The following ARMH4 variants were observed in gnomAD, a reference collection of about 807,000 sequenced individuals.
ARMH4 encodes armadillo like helical domain containing 4.
ARMH4 carries 49 observed loss-of-function variants against 61.9 expected under a neutral mutation model. The ratio of observed to expected loss-of-function variants is 0.79; its 90% CI spans 0.63 to 1.00. The LOEUF is 1.00. ARMH4 is among the 50% of genes least tolerant of loss of function. The pLI is 0.00. For missense variants in ARMH4, 934 were observed against 930.0 expected, an observed-to-expected ratio of 1.00 and a Z score of -0.06; for synonymous variants, 368 against 341.5, an observed-to-expected ratio of 1.08 and a Z score of -0.85.
rs773772686 is a variant in ARMH4 at position 58,096,932 on chromosome 14, T to C, written c.1881A>G (p.Glu627=). Residue 627 remains glutamate (E), a synonymous_variant, in exon 5 of 8, where the codon GAA becomes GAG. Coordinates refer to ENST00000267485, the MANE Select transcript of ARMH4 (RefSeq NM_001001872.4). Reference sequence around the variant, plus strand: ...CCTCATCTTCTTCCTCATCTTCCTCTTCTTCATCTTCATCTTCTTCATCCT... The same window carrying C: ...CCTCATCTTCTTCCTCATCTTCCTCCTCTTCATCTTCATCTTCTTCATCCT... The part of the protein sequence containing the change: ...DEEDEEDEDE[E]EEDEEEDEED... 2.5e-6 allele frequency: 4 copies of C among 1,613,212 alleles called. No individual in the cohort carries two copies. The East Asian group carries it at 6.7e-5, about 27-fold the overall frequency.
chr14:58,109,201 TGTCATATCTAAAAAA>T (rs1886266390), intron 4 of ARMH4, among the ~76,000 whole-genome samples: 1 of 152,258 alleles, frequency 6.6e-6, no homozygotes, highest in South Asian at 2.1e-4. Flanking sequence ...GCAATTTTTG[TGTCATATCTAAAAAA>T]ACTTTATTGT....
chr14:58,029,777 A>G (rs551860015), intron 5 of ARMH4, among the ~76,000 whole-genome samples: 1 of 152,358 alleles, frequency 6.6e-6, no homozygotes, highest in Non-Finnish European at 1.5e-5. Context: ...TGATGCAGCC[A>G]CTGTGGAAAA....
chr14:58,142,105 C>T (rs186169467), intron 1 of ARMH4, among the ~76,000 whole-genome samples: 1 of 152,088 alleles, frequency 6.6e-6, no homozygotes, highest in Admixed American at 6.5e-5. Context: ...TTTCTTTTCC[C>T]ATCATCAGAA....
In ARMH4 at chr14:58,138,694, G is replaced by T. The variant is rs757599801; in HGVS notation, c.665C>A (p.Thr222Asn). ...GTCTGTGTCTGCTTCAAATTTCTCA[G>T]TCTTTGGATTGGTGGTTAGCATTTC... ...TKEMLTTNPK[T>N]EKFEADTDHR... Residue 222 changes from threonine to asparagine, a missense_variant, in exon 2 of 8, where the codon ACT becomes AAT. Thr to Asn is a moderately conservative substitution (Grantham distance 65). Coordinates refer to ENST00000267485, the MANE Select transcript of ARMH4 (RefSeq NM_001001872.4). 5 of 1,614,152 alleles carry T rather than the reference G, an allele frequency of 3.1e-6. No individual in the cohort carries two copies. In the South Asian group the frequency reaches 4.4e-5, roughly 14 times the overall value.
chr14:58,115,815 C>T (rs968904812), intron 4 of ARMH4, among the ~76,000 whole-genome samples: 2 of 152,074 alleles, frequency 1.3e-5, no homozygotes, highest in African/African-American at 4.8e-5. Context: ...GAACAGAAAA[C>T]CAAGCATCAC....
At chr14:58,031,749 G>C (rs1294195096) in intron 5 of ARMH4, among the ~76,000 whole-genome samples, 1 of 152,148 alleles carries the variant, frequency 6.6e-6, no homozygotes, top group African/African-American at 2.4e-5. Context: ...GAGTCAGAAA[G>C]AAATCTTCAA....
chr14:58,130,556 C>G (rs1887059077), intron 4 of ARMH4, among the ~76,000 whole-genome samples: 1 of 152,210 alleles, frequency 6.6e-6, no homozygotes, highest in African/African-American at 2.4e-5. Flanking sequence ...CAGCCAGGAA[C>G]TATTCACCTG....
intron 5 of ARMH4, among the ~76,000 whole-genome samples, chr14:58,045,494 G>A (rs1883902398): frequency 6.6e-6 from 1 of 152,006 alleles, no homozygotes; most frequent in African/African-American, 2.4e-5. Flanking sequence ...GATAGCATTA[G>A]GAGATATACC....
chr14:58,149,115 T>C (rs918764151), intron 1 of ARMH4, among the ~76,000 whole-genome samples: 3 of 152,224 alleles, frequency 2.0e-5, no homozygotes, highest in African/African-American at 4.8e-5. Context: ...TTTTTCTTTT[T>C]TTAAATCCTT....
intron 4 of ARMH4, among the ~76,000 whole-genome samples, chr14:58,108,931 T>C (rs1427443531): frequency 6.6e-6 from 1 of 152,242 alleles, no homozygotes; most frequent in Non-Finnish European, 1.5e-5. Flanking sequence ...TCTTAATGAC[T>C]AATGAGGTTG....
chr14:58,084,677 T>C (rs972666364), intron 5 of ARMH4, among the ~76,000 whole-genome samples: 1 of 152,176 alleles, frequency 6.6e-6, no homozygotes, highest in African/African-American at 2.4e-5. Flanking sequence ...GCAGGAAAAC[T>C]GAGAGATGGA....
chr14:58,052,291 T>A (rs920534777), intron 5 of ARMH4, among the ~76,000 whole-genome samples: 1 of 152,204 alleles, frequency 6.6e-6, no homozygotes, highest in East Asian at 1.9e-4. Flanking sequence ...TACCATTTGC[T>A]GGACCCCAGT....
intron 5 of ARMH4, among the ~76,000 whole-genome samples, chr14:58,091,802 A>G (rs1885574541): frequency 1.3e-5 from 2 of 152,178 alleles, no homozygotes; most frequent in African/African-American, 4.8e-5. Context: ...AGAGCTTCCT[A>G]TATGCTACTA....
intron 5 of ARMH4, among the ~76,000 whole-genome samples, chr14:58,086,290 G>A (rs1417899284): frequency 2.0e-5 from 3 of 152,102 alleles, no homozygotes; most frequent in Admixed American, 6.6e-5. Flanking sequence ...AAAATAAAAT[G>A]TTAGGTGATG....
At chr14:58,125,480 G>A (rs1194342895) in intron 4 of ARMH4, among the ~76,000 whole-genome samples, 2 of 152,182 alleles carry the variant, frequency 1.3e-5, no homozygotes, top group East Asian at 1.9e-4. Context: ...GGCCTGTGAA[G>A]TATGCCAAAG....
At chr14:58,054,809 A>G (rs2141205540) in intron 5 of ARMH4, among the ~76,000 whole-genome samples, 1 of 151,600 alleles carries the variant, frequency 6.6e-6, no homozygotes, top group South Asian at 2.1e-4. Context: ...CCTGGGAGGC[A>G]GAGATTGCAG....
intron 5 of ARMH4, among the ~76,000 whole-genome samples, chr14:58,058,918 T>C (rs1335040266): frequency 6.6e-6 from 1 of 152,218 alleles, no homozygotes; most frequent in African/African-American, 2.4e-5. Flanking sequence ...TTGTTTTTCA[T>C]TGCAGACTTG....
intron 5 of ARMH4, among the ~76,000 whole-genome samples, chr14:58,056,219 G>C (rs1884343815): frequency 2.0e-5 from 3 of 152,190 alleles, no homozygotes; most frequent in Non-Finnish European, 4.4e-5. Flanking sequence ...GCACAGAACA[G>C]ATCTTAGAGG....
intron 5 of ARMH4, among the ~76,000 whole-genome samples, chr14:58,044,270 T>C (rs1359492682): frequency 1.3e-5 from 2 of 152,098 alleles, no homozygotes; most frequent in African/African-American, 2.4e-5. Context: ...AACAGAGATA[T>C]AGACCAATGG....
Sources: allele counts gnomAD v4.1 joint callset (sites outside exome capture counted in the v4.1 genomes callset), GRCh38; gene constraint gnomAD v4.1.1; transcripts MANE v1.5; gene names NCBI Gene and HGNC (gene_info 2026-07-23, HGNC 2026-07-21).